The following DST variants were observed in gnomAD, a reference collection of about 807,000 sequenced individuals.
The protein encoded by DST is dystonin.
In DST, 253 loss-of-function variants were observed where a neutral mutation model predicts 875.2. The ratio of observed to expected loss-of-function variants is 0.29; its 90% CI spans 0.26 to 0.32. The LOEUF (loss-of-function observed/expected upper bound fraction) is 0.32, where lower values mean the gene tolerates loss of function less well. DST is among the 10% of genes least tolerant of loss of function. DST has a pLI of 1.00. For synonymous variants in DST, 3,124 were observed against 3,197.1 expected (o/e 0.98, Z 0.77); for missense variants, 8,287 against 9,111.6 (o/e 0.91, Z 3.68).
chr6:56,620,033 G>A, intron 36 of DST: 1 of 1,613,902 alleles, frequency 6.2e-7, no homozygotes, highest in South Asian at 1.1e-5. Flanking sequence ...CACTGGCAAT[G>A]CATTTTCTCT....
chr6:56,742,460 G>T, intron 4 of DST: 1 of 774,354 alleles, frequency 1.3e-6, no homozygotes, highest in Non-Finnish European at 1.9e-6. Flanking sequence ...CTACTTGCAA[G>T]CTGAAAACTA....
At chr6:56,708,154 C>T (rs2099348701) in intron 5 of DST, among the ~76,000 whole-genome samples, 1 of 152,086 alleles carries the variant, frequency 6.6e-6, no homozygotes, top group Admixed American at 6.5e-5. Flanking sequence ...CTGCTTCTGC[C>T]CTTGGCCTTA....
At chr6:56,784,862 C>G (rs563318618) in intron 4 of DST, among the ~76,000 whole-genome samples, 1 of 151,992 alleles carries the variant, frequency 6.6e-6, no homozygotes, top group Non-Finnish European at 1.5e-5. Context: ...TGGTTTTATC[C>G]GCTTTTGGTC....
intron 19 of DST, 26 bp downstream of exon 19, chr6:56,639,903 T>A: frequency 6.2e-7 from 1 of 1,607,258 alleles, no homozygotes; most frequent in South Asian, 1.1e-5. Context: ...TAAAATGAAA[T>A]ATATACAAAT....
chr6:56,835,363 T>C (rs1003063440), intron 4 of DST, among the ~76,000 whole-genome samples: 1 of 152,198 alleles, frequency 6.6e-6, no homozygotes. Context: ...ACGTAATTGA[T>C]GAATCAATTT....
In DST at chr6:56,605,444, C is replaced by T. The variant is rs1335226671; in HGVS notation, c.9184G>A (p.Val3062Ile). ...KMYLGEGEVLVEGLVEEENRH... is the reference protein window; with the variant it reads ...KMYLGEGEVLIEGLVEEENRH... ...TTTTCTTCTTCTACTAGACCTTCTACAAGCACTTCTCCTTCACCCAAGTAC... is the reference window on the plus strand; with the variant it reads ...TTTTCTTCTTCTACTAGACCTTCTATAAGCACTTCTCCTTCACCCAAGTAC... The change falls in exon 40 of 104, where the codon GTA (valine) becomes ATA (isoleucine). Residue 3062 changes from valine to isoleucine, a missense_variant. This residue lies in a region of DST where 3,138 missense variants were observed against 3,116.6 expected (regional missense o/e 1.01). Coordinates refer to ENST00000680361, the MANE Select transcript of DST (RefSeq NM_001374736.1). 2 of 1,612,930 alleles carry T rather than the reference C, an allele frequency of 1.2e-6. No homozygotes were observed. The highest frequency in any genetic ancestry group is 3.3e-5 in the Admixed American group (2 of 59,880).
At chr6:56,792,680 T>C (rs2099729525) in intron 4 of DST, among the ~76,000 whole-genome samples, 1 of 152,196 alleles carries the variant, frequency 6.6e-6, no homozygotes, top group African/African-American at 2.4e-5. Flanking sequence ...AAGTAAACAC[T>C]ATCACTGCTG....
intron 61 of DST, 65 bp downstream of exon 61, chr6:56,552,119 T>A (rs1216159925): frequency 6.7e-7 from 1 of 1,502,692 alleles, no homozygotes; most frequent in African/African-American, 1.4e-5. Flanking sequence ...GGCAATCTCC[T>A]TTCTAAGCAA....
At chr6:56,578,380 A>C (rs904193992) in intron 50 of DST, among the ~76,000 whole-genome samples, 1 of 152,090 alleles carries the variant, frequency 6.6e-6, no homozygotes, top group Non-Finnish European at 1.5e-5. Context: ...CTCTAAAAAT[A>C]AATTCAATTC....
chr6:56,935,625 A>C (rs974151761), intron 2 of DST, among the ~76,000 whole-genome samples: 68 of 152,332 alleles, frequency 4.5e-4, no homozygotes, highest in African/African-American at 1.5e-3. Flanking sequence ...CAAATGCAGA[A>C]AATATAAAGA....
In DST at chr6:56,954,604, G is replaced by A; in HGVS notation, c.-17C>T. The A allele has an allele frequency of 7.5e-7, 1 of 1,331,782 alleles. No homozygotes were observed. Among genetic ancestry groups the A allele is most frequent in the South Asian group, 1.2e-5 (1 of 83,560 alleles). The allele number at this position is 1,331,782 out of a possible 1,614,324, so 82.5% of individuals were successfully genotyped here. On this transcript the variant is annotated 5_prime_UTR_variant, in exon 1 of 104. Transcript: ENST00000680361. ...GGCGATCATGGTGCGGGCGAGGCGA[G>A]GGCGACTCGACGGCGGGGCTGGAGG... is the stretch of plus-strand genomic sequence containing the variant.
At chr6:56,720,183 C>G (rs1477443639) in intron 5 of DST, among the ~76,000 whole-genome samples, 2 of 152,108 alleles carry the variant, frequency 1.3e-5, no homozygotes, top group Non-Finnish European at 2.9e-5. Context: ...CCCTCAGGGT[C>G]GCCTTCTCTT....
intron 4 of DST, among the ~76,000 whole-genome samples, chr6:56,757,969 T>C (rs566733275): frequency 6.6e-6 from 1 of 152,258 alleles, no homozygotes; most frequent in Non-Finnish European, 1.5e-5. Flanking sequence ...TACCCACAAA[T>C]ACAATGCTTT....
chr6:56,818,803 C>A (rs2099769654), intron 4 of DST, among the ~76,000 whole-genome samples: 1 of 152,150 alleles, frequency 6.6e-6, no homozygotes, highest in African/African-American at 2.4e-5. Context: ...TGTCACAGAG[C>A]AATACTATTA....
rs575474725 is a variant in DST, at chr6:56,666,820, C to G, written c.1214+3821G>C. ...ACACAGTCACAACTCACTGCAGCCT[C>G]GACCTCCTGGACTCAAGCTATCCAC... is the stretch of plus-strand genomic sequence containing the variant. On this transcript the variant is annotated intron_variant, in intron 10 of 103. Transcript: ENST00000680361. Among the ~76,000 whole-genome samples the G allele has an allele frequency of 9.3e-5, 14 of 150,570 alleles. No homozygotes were observed. In the East Asian group the frequency reaches 2.7e-3, roughly 29 times the overall value.
chr6:56,941,606 C>T (rs1816641457), intron 2 of DST, among the ~76,000 whole-genome samples: 1 of 152,176 alleles, frequency 6.6e-6, no homozygotes, highest in Admixed American at 6.5e-5. Context: ...CCTTAGCCTC[C>T]CAAGTAGTTG....
At chr6:56,862,996 G>A (rs973976318) in intron 3 of DST, 1 of 152,218 alleles carries the variant, frequency 6.6e-6, no homozygotes, top group Non-Finnish European at 1.5e-5. Context: ...AATTTGTGGT[G>A]ACTCAAACTG....
Position 56,620,784 on chromosome 6 carries a change from T to C in DST, c.4929+3746A>G, listed in dbSNP as rs545011031. ...ATATCTTACAACGTATGAATCAATG[T>C]TCATAAAAGTACTTACAAAACCAAG... On this transcript the variant is annotated intron_variant, in intron 36 of 103. Coordinates refer to ENST00000680361, the MANE Select transcript of DST (RefSeq NM_001374736.1). 4.9e-6 allele frequency: 7 copies of C among 1,423,740 alleles called. No individual in the cohort carries two copies. In the African/African-American group the frequency reaches 9.8e-5, roughly 20 times the overall value. The allele number at this position is 1,423,740 out of a possible 1,614,324, so 88.2% of individuals were successfully genotyped here.
chr6:56,682,335 G>T (rs536666553), intron 9 of DST, among the ~76,000 whole-genome samples: 198 of 152,152 alleles, frequency 1.3e-3, no homozygotes, highest in African/African-American at 4.5e-3. Context: ...ACCGTACCTG[G>T]CTTATTTTAC....
Sources: allele counts gnomAD v4.1 joint callset (sites outside exome capture counted in the v4.1 genomes callset), GRCh38; gene constraint gnomAD v4.1.1; regional missense constraint gnomAD v4.1.1; transcripts MANE v1.5; gene names NCBI Gene and HGNC (gene_info 2026-07-23, HGNC 2026-07-21).